The following SS18L1 variants were observed in gnomAD, a reference collection of about 807,000 sequenced individuals.
SS18L1 encodes SS18L1 subunit of BAF chromatin remodeling complex.
A neutral mutation model predicts 70.3 loss-of-function variants in SS18L1; 32 were observed. That is an observed-to-expected ratio of 0.46 (90% CI 0.34 to 0.61). SS18L1 has a LOEUF of 0.61. SS18L1 is among the 20% of genes least tolerant of loss of function. SS18L1 has a pLI of 0.01. For missense variants in SS18L1, 430 were observed against 542.1 expected (o/e 0.79, Z 2.05); for synonymous variants, 237 against 229.7 (o/e 1.03, Z -0.29).
In SS18L1 at chr20:62,180,268, A is replaced by T; in HGVS notation, c.*1060A>T. ...TACTGTGTTCTTTCTAATGAAAAGTAAAGGTTTTATATAGAGAAACTTGAG... is the reference window on the plus strand; with the variant it reads ...TACTGTGTTCTTTCTAATGAAAAGTTAAGGTTTTATATAGAGAAACTTGAG... On this transcript the variant is annotated 3_prime_UTR_variant, in exon 11 of 11. Coordinates refer to ENST00000331758, the MANE Select transcript of SS18L1 (RefSeq NM_198935.3). 5.1e-6 allele frequency: 1 copy of T among 195,534 alleles called. No homozygotes were observed. The highest frequency in any genetic ancestry group is 2.3e-5 in the African/African-American group (1 of 43,318). The allele number at this position is 195,534 out of a possible 1,614,324, so 12.1% of individuals were successfully genotyped here. A position where few individuals can be genotyped will look rare whatever the true frequency, so the allele number is the denominator to read the frequency against.
chr20:62,172,884 C>T, intron 9 of SS18L1, 83 bp downstream of exon 9: 2 of 1,573,966 alleles, frequency 1.3e-6, no homozygotes, highest in South Asian at 1.1e-5. Flanking sequence ...AGTACCCCAG[C>T]CAGCAGAGCT....
chr20:62,145,691 C>T (rs1233562871), intron 1 of SS18L1, among the ~76,000 whole-genome samples: 1 of 152,220 alleles, frequency 6.6e-6, no homozygotes, highest in Admixed American at 6.5e-5. Context: ...AGAAACTCAG[C>T]CTGCTGACCA....
intron 1 of SS18L1, among the ~76,000 whole-genome samples, chr20:62,149,967 G>A (rs1372295764): frequency 6.6e-6 from 1 of 152,226 alleles, no homozygotes; most frequent in Non-Finnish European, 1.5e-5. Context: ...GTTGTGCTGT[G>A]CTGTGACAGC....
rs979371236 is a variant in SS18L1 at position 62,182,252 on chromosome 20, AG to A, written c.*3049del. 2.3e-5 allele frequency: 5 copies of A among 218,108 alleles called. No individual in the cohort carries two copies. Among genetic ancestry groups the A allele is most frequent in the African/African-American group, 1.1e-4 (5 of 44,412 alleles). 13.5% of individuals were successfully genotyped at this position (218,108 alleles called of 1,614,324 possible). A position where few individuals can be genotyped will look rare whatever the true frequency, so the allele number is the denominator to read the frequency against. ...GGTTTTTCTACGTGTAGGCGTGAAT[AG>A]GGGGCACCCCTTCAAAACTGTACAA... is the stretch of plus-strand genomic sequence containing the variant. On this transcript the variant is annotated 3_prime_UTR_variant, in exon 11 of 11. Coordinates refer to ENST00000331758, the MANE Select transcript of SS18L1 (RefSeq NM_198935.3).
At position 62,172,692 on chromosome 20, in the gene SS18L1, G is replaced by T. The variant is rs988735125; in HGVS notation, c.927G>T (p.Gln309His). The change falls in exon 9 of 11, where the codon CAG (glutamine) becomes CAT (histidine). Residue 309 changes from glutamine to histidine, a missense_variant. Physicochemically the swap from Gln to His is conservative, Grantham distance 24 (BLOSUM62 0). Coordinates refer to ENST00000331758, the MANE Select transcript of SS18L1 (RefSeq NM_198935.3). ...TQHYYEGGNS[Q>H]YSQQQAGYQQ... ...TCCTCCTCCCTCCAGGAAACTCCCA[G>T]TACAGCCAGCAGCAGGCCGGGTACC... 4 of 1,614,052 alleles carry T rather than the reference G, an allele frequency of 2.5e-6. No homozygotes were observed. The highest frequency in any genetic ancestry group is 2.7e-5 in the African/African-American group (2 of 74,936).
rs764562963 is a variant in SS18L1, at chr20:62,143,775, G to A, written c.-46G>A. ...GCGCCTCGGGCCGCCCAGCGCAGCC[G>A]GAGTATCCACCTCGATGACCACGGG... On this transcript the variant is annotated 5_prime_UTR_variant, in exon 1 of 11. Transcript: ENST00000331758. The A allele has an allele frequency of 7.0e-6, 9 of 1,282,278 alleles. No homozygotes were observed. In the East Asian group the frequency reaches 3.3e-4, roughly 48 times the overall value. 79.4% of individuals were successfully genotyped at this position (1,282,278 alleles called of 1,614,324 possible). A position where few individuals can be genotyped will look rare whatever the true frequency, so the allele number is the denominator to read the frequency against.
In SS18L1 at chr20:62,172,800, C is replaced by A; in HGVS notation, c.1035C>A (p.Tyr345Ter). The change falls in exon 9 of 11, where the codon TAC becomes TAA. Residue 345 changes from tyrosine to a stop codon, truncating the protein, a stop_gained and splice_region_variant. Coordinates refer to ENST00000331758, the MANE Select transcript of SS18L1 (RefSeq NM_198935.3). LOFTEE classifies it high-confidence loss of function. ...GCTACCCCGGGCAGCAGCAGGGCTACGGTAAGAGGCGAGCACGGTCCTCGG... is the reference window on the plus strand; with the variant it reads ...GCTACCCCGGGCAGCAGCAGGGCTAAGGTAAGAGGCGAGCACGGTCCTCGG... ...QQSYPGQQQG[Y>*]GSAQGAPSQY... The A allele has an allele frequency of 6.2e-7, 1 of 1,612,772 alleles. No homozygotes were observed. Among genetic ancestry groups the A allele is most frequent in the Non-Finnish European group, 8.5e-7 (1 of 1,179,544 alleles).
intron 1 of SS18L1, among the ~76,000 whole-genome samples, chr20:62,151,890 T>C (rs1429668137): frequency 7.2e-5 from 8 of 110,874 alleles, no homozygotes. Flanking sequence ...CCCGTTCCCC[T>C]CTTTTCCCGA....
At chr20:62,147,384 A>C (rs912563123) in intron 1 of SS18L1, among the ~76,000 whole-genome samples, 11 of 152,114 alleles carry the variant, frequency 7.2e-5, no homozygotes, top group Non-Finnish European at 5.9e-5. Flanking sequence ...TTCTCTAGCC[A>C]CCAGCTGGGG....
At chr20:62,147,002 T>C (rs375123347) in intron 1 of SS18L1, among the ~76,000 whole-genome samples, 1 of 152,174 alleles carries the variant, frequency 6.6e-6, no homozygotes, top group African/African-American at 2.4e-5. Flanking sequence ...CCCGTCTTTA[T>C]TTCATTTTCA....
intron 8 of SS18L1, among the ~76,000 whole-genome samples, chr20:62,167,038 G>GTTGTTTTTTTTT (rs2057445231): frequency 9.0e-6 from 1 of 110,970 alleles, no homozygotes; most frequent in African/African-American, 4.6e-5. Flanking sequence ...TCAGGAGTTT[G>GTTGTTTTTTTTT]TTTGTTTTTT....
chr20:62,166,015 C>T (rs563965079), intron 8 of SS18L1, among the ~76,000 whole-genome samples: 24 of 152,318 alleles, frequency 1.6e-4, no homozygotes, highest in African/African-American at 4.8e-4. Flanking sequence ...CCCTTCATGG[C>T]GGTCCTGGGC....
chr20:62,170,256 A>T (rs2057506909), intron 8 of SS18L1, among the ~76,000 whole-genome samples: 1 of 152,232 alleles, frequency 6.6e-6, no homozygotes, highest in African/African-American at 2.4e-5. Context: ...CTGTAATCTC[A>T]GCACTTTGGG....
Position 62,174,479 on chromosome 20 carries a change from C to T in SS18L1, c.1037-38C>T, listed in dbSNP as rs780204842. On this transcript the variant is annotated intron_variant, in intron 9 of 10. Coordinates refer to ENST00000331758, the MANE Select transcript of SS18L1 (RefSeq NM_198935.3). The surrounding 1 kb of genome is among the most constrained non-coding windows in gnomAD (Gnocchi z 4.1). ...TAAGAAAAAAAAAGAAAGAGGTGTC[C>T]GTTTTGGCCGGCCTCACGGTTCCTG... is the stretch of plus-strand genomic sequence containing the variant. 8.1e-5 allele frequency: 127 copies of T among 1,559,582 alleles called. No individual in the cohort carries two copies. In the East Asian group the frequency reaches 1.7e-3, roughly 21 times the overall value.
Position 62,164,236 on chromosome 20 carries a change from C to T in SS18L1, c.813C>T (p.Tyr271=). 6.5e-7 allele frequency: 1 copy of T among 1,548,658 alleles called. No homozygotes were observed. Among genetic ancestry groups the T allele is most frequent in the Non-Finnish European group, 8.7e-7 (1 of 1,146,194 alleles). ...QGAAEPMGQQ[Y]YPDGHGDYAY... is the part of the protein sequence containing the mutation. Reference sequence around the variant, plus strand: ...CCGCGGAGCCCATGGGCCAGCAGTACTACCCCGACGGTGAGCACTGGCGGC... The same window carrying T: ...CCGCGGAGCCCATGGGCCAGCAGTATTACCCCGACGGTGAGCACTGGCGGC... The change falls in exon 7 of 11, where the codon TAC becomes TAT. Residue 271 remains tyrosine (Y), a synonymous_variant. Coordinates refer to ENST00000331758, the MANE Select transcript of SS18L1 (RefSeq NM_198935.3).
chr20:62,163,053 G>A, intron 5 of SS18L1, 122 bp downstream of exon 5: 1 of 1,347,942 alleles, frequency 7.4e-7, no homozygotes, highest in Non-Finnish European at 1.0e-6. Flanking sequence ...GAGGGGAGGG[G>A]CCCGTGAATC....
At position 62,158,637 on chromosome 20, in the gene SS18L1, C is replaced by T. The variant is rs375207804; in HGVS notation, c.70-35C>T. 2.2e-5 allele frequency: 36 copies of T among 1,607,366 alleles called. No homozygotes were observed. The highest frequency in any genetic ancestry group is 3.0e-5 in the Non-Finnish European group (35 of 1,178,592). ...TCATCCCGAGGGTCAGCGACAGCCC[C>T]GCGTCGGCAGCGCCCGCTCACGCTC... On this transcript the variant is annotated intron_variant, in intron 1 of 10. Transcript: ENST00000331758. This position sits in a 1 kb window ranked among gnomAD's most constrained non-coding sequence, Gnocchi z 4.5.
intron 8 of SS18L1, among the ~76,000 whole-genome samples, chr20:62,168,072 C>T (rs1470944014): frequency 6.6e-6 from 1 of 151,298 alleles, no homozygotes; most frequent in Non-Finnish European, 1.5e-5. Context: ...TCAAGTGCCA[C>T]CTCAGCCTCC....
At chr20:62,178,070 A>G (rs1601065604) in intron 10 of SS18L1, among the ~76,000 whole-genome samples, 1 of 115,264 alleles carries the variant, frequency 8.7e-6, no homozygotes, top group Non-Finnish European at 1.7e-5. Flanking sequence ...CCCAGGCTGG[A>G]GTGCATTGGC....
Sources: gnomAD v4.1 joint callset for allele counts (sites outside exome capture counted in the v4.1 genomes callset) on GRCh38, gnomAD v4.1.1 for gene constraint, Gnocchi (gnomAD v3.1) non-coding constraint, MANE v1.5 for transcripts, NCBI Gene and HGNC (gene_info 2026-07-23, HGNC 2026-07-21) for gene names.